Variants in FRMD3 observed in about 807,000 individuals in gnomAD.
FRMD3 encodes FERM domain-containing protein 3.
Under a neutral mutation model 70.2 loss-of-function variants are expected in FRMD3, and 33 were observed. The ratio of observed to expected loss-of-function variants is 0.47; its 90% confidence interval spans 0.36 to 0.63. The LOEUF (loss-of-function observed/expected upper bound fraction) is 0.63. Among genes scored for constraint, FRMD3 ranks in the 20% least tolerant of loss-of-function variants. The pLI, the probability that FRMD3 is intolerant of heterozygous loss-of-function variation, is 0.00. For synonymous variants in FRMD3, 279 were observed against 255.9 expected, an observed-to-expected ratio of 1.09 and a Z score of -0.86; for missense variants, 632 against 711.4, an observed-to-expected ratio of 0.89 and a Z score of 1.27.
chr9:83,248,167 C>G lies in FRMD3; in HGVS notation c.1545G>C (p.Leu515=), dbSNP rs1225838978. The change falls in exon 14 of 14, where the codon CTG becomes CTC. Residue 515 remains leucine (L), a synonymous_variant. Transcript: ENST00000304195. The part of the protein sequence containing the change: ...RRALSWSYDI[L]TGHIRVNPLV... ...GTGGGTTCACCCGAATATGGCCAGT[C>G]AGAATGTCATAGCTCCACGACAAAG... 1 of 1,614,064 alleles carries G rather than the reference C, an allele frequency of 6.2e-7. No homozygotes were observed. Among genetic ancestry groups the G allele is most frequent in the African/African-American group, 1.3e-5 (1 of 74,938 alleles).
chr9:83,274,090 G>A (rs1323448101), intron 13 of FRMD3, among the ~76,000 whole-genome samples: 1 of 152,068 alleles, frequency 6.6e-6, no homozygotes, highest in Non-Finnish European at 1.5e-5. Context: ...AAAGCACTAA[G>A]GATTACAGGC....
chr9:83,394,921 A>G (rs1244143366), intron 1 of FRMD3, among the ~76,000 whole-genome samples: 3 of 152,200 alleles, frequency 2.0e-5, no homozygotes, highest in Non-Finnish European at 4.4e-5. Flanking sequence ...TTCTCCTTCC[A>G]TAATGGGAGA....
At chr9:83,415,614 C>CTTTTT (rs1168650565) in intron 1 of FRMD3, among the ~76,000 whole-genome samples, 3 of 108,958 alleles carry the variant, frequency 2.8e-5, no homozygotes, top group African/African-American at 7.0e-5. Flanking sequence ...GACTAATTTT[C>CTTTTT]TTTTTTTTTT....
At chr9:83,451,888 T>C (rs1417369107) in intron 1 of FRMD3, among the ~76,000 whole-genome samples, 1 of 152,202 alleles carries the variant, frequency 6.6e-6, no homozygotes, top group Non-Finnish European at 1.5e-5. Flanking sequence ...AATTTAATAG[T>C]TCATAATAGA....
chr9:83,493,067 A>G (rs1047107138), intron 1 of FRMD3, among the ~76,000 whole-genome samples: 2 of 151,902 alleles, frequency 1.3e-5, no homozygotes, highest in African/African-American at 4.8e-5. Context: ...AGAAGCACCC[A>G]CTGCCTCTCC....
the FRMD3 span, among the ~76,000 whole-genome samples, chr9:83,559,780 CTATA>C: frequency 6.6e-6 from 1 of 151,982 alleles, no homozygotes; most frequent in African/African-American, 2.4e-5. Context: ...AATGATATTT[CTATA>C]TATAAATTAT....
chr9:83,385,811 T>G (rs72745016), intron 2 of FRMD3, among the ~76,000 whole-genome samples: 48,913 of 151,856 alleles, frequency 0.32, 8,045 homozygotes, highest in African/African-American at 0.39. Flanking sequence ...TTTATGTCTT[T>G]GAGTCCATTT....
Position 83,489,015 on chromosome 9 carries a change from T to TGTGTGTGC in FRMD3, c.147+49069_147+49070insGCACACAC, listed in dbSNP as rs539396863. ...GTGTGTGTGTGTGTGTGTGTGTGTG[T>TGTGTGTGC]GCTTGTGTGTGCGCACCTACACATG... On this transcript the variant is annotated intron_variant, in intron 1 of 13. Coordinates refer to ENST00000304195, the MANE Select transcript of FRMD3 (RefSeq NM_174938.6). Among the ~76,000 whole-genome samples, 1,145 of 131,606 alleles carry TGTGTGTGC rather than the reference T, an allele frequency of 8.7e-3. 13 individuals carry two copies. Among genetic ancestry groups the TGTGTGTGC allele is most frequent in the South Asian group, 0.042 (181 of 4,300 alleles). The allele number at this position is 131,606 out of a possible 152,430, so 86.3% of individuals were successfully genotyped here.
chr9:83,468,877 A>T (rs563658590), intron 1 of FRMD3, among the ~76,000 whole-genome samples: 2 of 152,336 alleles, frequency 1.3e-5, no homozygotes, highest in African/African-American at 4.8e-5. Flanking sequence ...TTTGGGGCCA[A>T]GCCCATGAGA....
chr9:83,534,790 T>C (rs1213195547), intron 1 of FRMD3, among the ~76,000 whole-genome samples: 1 of 152,204 alleles, frequency 6.6e-6, no homozygotes, highest in Admixed American at 6.5e-5. Context: ...GACATTTGGA[T>C]TGTGGGATTC....
the FRMD3 span, among the ~76,000 whole-genome samples, chr9:83,546,884 C>A: frequency 1.3e-4 from 1 of 7,438 alleles, no homozygotes; most frequent in Admixed American, 2.4e-3. Flanking sequence ...GAGTGAGACT[C>A]TGTCTCAAAA....
the FRMD3 span, among the ~76,000 whole-genome samples, chr9:83,582,128 A>G: frequency 4.6e-5 from 7 of 152,090 alleles, no homozygotes; most frequent in African/African-American, 1.7e-4. Flanking sequence ...GCTGGAGTAC[A>G]GTGGCACAAT....
intron 1 of FRMD3, among the ~76,000 whole-genome samples, chr9:83,465,244 C>T (rs1235339783): frequency 6.6e-6 from 1 of 152,148 alleles, no homozygotes; most frequent in African/African-American, 2.4e-5. Flanking sequence ...CAGGAGTGCG[C>T]AGCAAGTCCA....
chr9:83,414,501 T>G (rs959494234), intron 1 of FRMD3, among the ~76,000 whole-genome samples: 2 of 152,180 alleles, frequency 1.3e-5, no homozygotes, highest in South Asian at 2.1e-4. Context: ...TAATTAAAAT[T>G]ATCATGTCTG....
intron 13 of FRMD3, among the ~76,000 whole-genome samples, chr9:83,261,728 T>C (rs1047586814): frequency 1.1e-4 from 17 of 152,288 alleles, no homozygotes; most frequent in African/African-American, 3.8e-4. Context: ...GAGTGTTCCA[T>C]GGTCAGCTAA....
intron 6 of FRMD3, among the ~76,000 whole-genome samples, chr9:83,332,384 C>T (rs1823412027): frequency 6.6e-6 from 1 of 151,972 alleles, no homozygotes; most frequent in Non-Finnish European, 1.5e-5. Flanking sequence ...CTCTTTCTCT[C>T]TCTCTCTCTC....
At chr9:83,312,191 A>T in intron 7 of FRMD3, among the ~76,000 whole-genome samples, 1 of 152,122 alleles carries the variant, frequency 6.6e-6, no homozygotes, top group East Asian at 1.9e-4. Context: ...CCCTTTGAGG[A>T]GCGGACCTTC....
At chr9:83,330,054 A>G (rs941868168) in intron 6 of FRMD3, among the ~76,000 whole-genome samples, 1 of 152,144 alleles carries the variant, frequency 6.6e-6, no homozygotes, top group Non-Finnish European at 1.5e-5. Context: ...GAAAACAGAA[A>G]CCAAGAGGGA....
chr9:83,566,588 T>C, the FRMD3 span, among the ~76,000 whole-genome samples: 60,407 of 151,960 alleles, frequency 0.4, 12,313 homozygotes, highest in Middle Eastern at 0.49. Flanking sequence ...AAAAGCAACA[T>C]AGTTACTTCC....
Sources: allele counts gnomAD v4.1 joint callset (sites outside exome capture counted in the v4.1 genomes callset), GRCh38; gene constraint gnomAD v4.1.1; transcripts MANE v1.5; gene names NCBI Gene and HGNC (gene_info 2026-07-23, HGNC 2026-07-21).